GRID2: variants seen among roughly 807,000 people sequenced by gnomAD.
GRID2 encodes the protein glutamate ionotropic receptor delta type subunit 2, also known as glutamate receptor ionotropic, delta-2.
A neutral mutation model predicts 114.8 loss-of-function variants in GRID2; 33 were observed. The ratio of observed to expected loss-of-function variants is 0.29; its 90% CI spans 0.22 to 0.38. The LOEUF is 0.38. Ranked by LOEUF, GRID2 falls within the 10% of genes least tolerant of loss-of-function variation. The pLI is 1.00. For missense variants in GRID2, 1,184 were observed against 1,257.7 expected (o/e 0.94, Z 0.89); for synonymous variants, 505 against 449.9 (o/e 1.12, Z -1.55).
At chr4:92,713,124 CT>C (rs1281185764) in intron 2 of GRID2, among the ~76,000 whole-genome samples, 2 of 151,382 alleles carry the variant, frequency 1.3e-5, no homozygotes, top group African/African-American at 4.9e-5. Flanking sequence ...TTAGGTATAT[CT>C]CCAAATGCTA....
chr4:93,379,215 G>A (rs776581406), intron 8 of GRID2, among the ~76,000 whole-genome samples: 33 of 151,932 alleles, frequency 2.2e-4, no homozygotes, highest in Non-Finnish European at 2.8e-4. Flanking sequence ...AGTTTATTCC[G>A]TCACTTTACT....
At chr4:93,489,931 G>A (rs1262183084) in intron 11 of GRID2, among the ~76,000 whole-genome samples, 5 of 151,798 alleles carry the variant, frequency 3.3e-5, no homozygotes, top group East Asian at 3.9e-4. Context: ...TCAAGGTAGG[G>A]GGCTAGAAAT....
chr4:92,527,586 C>T (rs1005425596), intron 1 of GRID2, among the ~76,000 whole-genome samples: 5 of 151,994 alleles, frequency 3.3e-5, no homozygotes, highest in African/African-American at 4.8e-5. Flanking sequence ...TTTCCAAATA[C>T]ATTTACAACA....
chr4:92,887,954 C>T (rs1307146826), intron 2 of GRID2, among the ~76,000 whole-genome samples: 2 of 152,162 alleles, frequency 1.3e-5, no homozygotes, highest in African/African-American at 4.8e-5. Context: ...TTCTATACAT[C>T]TGTTTCCTAG....
chr4:93,166,889 G>T (rs1738301045), intron 4 of GRID2, among the ~76,000 whole-genome samples: 1 of 152,128 alleles, frequency 6.6e-6, no homozygotes, highest in Admixed American at 6.6e-5. Flanking sequence ...TAGGTTGCTA[G>T]ATATGATTTG....
At chr4:93,190,819 C>A (rs1456726244) in intron 4 of GRID2, among the ~76,000 whole-genome samples, 1 of 151,828 alleles carries the variant, frequency 6.6e-6, no homozygotes, top group Non-Finnish European at 1.5e-5. Flanking sequence ...TGACATAATT[C>A]TTTTCATTAG....
At chr4:93,392,081 G>T (rs1330457324) in intron 8 of GRID2, among the ~76,000 whole-genome samples, 1 of 152,150 alleles carries the variant, frequency 6.6e-6, no homozygotes, top group Non-Finnish European at 1.5e-5. Context: ...GACCACTGAA[G>T]ATAGTGAATC....
intron 4 of GRID2, among the ~76,000 whole-genome samples, chr4:93,191,280 T>C (rs1454359306): frequency 6.6e-6 from 1 of 152,044 alleles, no homozygotes; most frequent in East Asian, 1.9e-4. Flanking sequence ...TGTTAAAGGA[T>C]CAGTTGGTAA....
At chr4:92,701,786 C>T (rs898886401) in intron 2 of GRID2, among the ~76,000 whole-genome samples, 9 of 152,094 alleles carry the variant, frequency 5.9e-5, no homozygotes, top group African/African-American at 2.2e-4. Context: ...TTCCATGTTT[C>T]CTCCTAGGTA....
chr4:93,139,836 A>C (rs143634927), intron 4 of GRID2, among the ~76,000 whole-genome samples: 1 of 152,258 alleles, frequency 6.6e-6, no homozygotes, highest in East Asian at 1.9e-4. Flanking sequence ...CAACTCAATT[A>C]TATAATGGGA....
intron 14 of GRID2, among the ~76,000 whole-genome samples, chr4:93,662,713 T>G (rs1204647316): frequency 6.6e-6 from 1 of 152,126 alleles, no homozygotes; most frequent in East Asian, 1.9e-4. Context: ...AGAGTTTATA[T>G]TAGGCTATCA....
At chr4:93,323,541 A>G (rs886757429) in intron 8 of GRID2, among the ~76,000 whole-genome samples, 11 of 151,866 alleles carry the variant, frequency 7.2e-5, no homozygotes, top group Non-Finnish European at 1.3e-4. Context: ...CCCTTTTTTG[A>G]TTCCATATGA....
chr4:92,571,117 T>C (rs1175994428), intron 1 of GRID2, among the ~76,000 whole-genome samples: 5 of 152,096 alleles, frequency 3.3e-5, no homozygotes, highest in Admixed American at 6.6e-5. Flanking sequence ...TTGAGGTATG[T>C]TCCTTCAATA....
intron 6 of GRID2, chr4:93,217,292 A>G (rs1003178337): frequency 3.2e-5 from 5 of 155,992 alleles, no homozygotes; most frequent in African/African-American, 1.2e-4. Flanking sequence ...TATTCTTTTT[A>G]AAAAGATTGG....
chr4:92,929,922 G>A (rs1167141732), intron 2 of GRID2, among the ~76,000 whole-genome samples: 1 of 150,726 alleles, frequency 6.6e-6, no homozygotes, highest in Non-Finnish European at 1.5e-5. Flanking sequence ...TTTTTACTTG[G>A]GTTGTACAAA....
chr4:93,268,689 A>G (rs1025819697), intron 8 of GRID2, among the ~76,000 whole-genome samples: 3 of 152,228 alleles, frequency 2.0e-5, no homozygotes, highest in African/African-American at 7.2e-5. Flanking sequence ...AGATATAATT[A>G]TATAAATGAA....
chr4:93,078,881 G>A (rs1228174249), intron 2 of GRID2, among the ~76,000 whole-genome samples: 1 of 142,332 alleles, frequency 7.0e-6, no homozygotes, highest in Non-Finnish European at 1.5e-5. Context: ...ATTGTATTTT[G>A]TATATTTACT....
At chr4:92,680,319 T>C (rs1733588869) in intron 2 of GRID2, among the ~76,000 whole-genome samples, 1 of 152,140 alleles carries the variant, frequency 6.6e-6, no homozygotes, top group African/African-American at 2.4e-5. Flanking sequence ...ATTTTACCAT[T>C]CACACATTTA....
intron 1 of GRID2, among the ~76,000 whole-genome samples, chr4:92,505,384 T>C (rs1034161897): frequency 6.6e-6 from 1 of 152,044 alleles, no homozygotes; most frequent in Non-Finnish European, 1.5e-5. Flanking sequence ...GCTCCTAAAT[T>C]ATAATATAGA....
Sources: gnomAD v4.1 joint callset for allele counts (sites outside exome capture counted in the v4.1 genomes callset) on GRCh38, gnomAD v4.1.1 for gene constraint, MANE v1.5 for transcripts, NCBI Gene and HGNC (gene_info 2026-07-23, HGNC 2026-07-21) for gene names.